Variants in CADM2 observed in about 807,000 individuals in gnomAD.
CADM2 encodes the protein immunoglobulin superfamily member 4D.
A neutral mutation model predicts 49.8 loss-of-function variants in CADM2; 12 were observed. The ratio of observed to expected loss-of-function variants is 0.24; its 90% CI spans 0.15 to 0.39. The LOEUF (loss-of-function observed/expected upper bound fraction) is 0.39. Among genes scored for constraint, CADM2 ranks in the 10% least tolerant of loss-of-function variants. CADM2 has a pLI of 1.00. For missense variants in CADM2, 378 were observed against 492.3 expected (o/e 0.77, Z 2.20); for synonymous variants, 214 against 175.4 (o/e 1.22, Z -1.74).
intron 1 of CADM2, among the ~76,000 whole-genome samples, chr3:85,282,761 A>G (rs2043536337): frequency 6.6e-6 from 1 of 152,134 alleles, no homozygotes; most frequent in African/African-American, 2.4e-5. Context: ...TTAAAACAAT[A>G]GAACTGTAAT....
At chr3:85,732,094 C>A (rs868184887) in intron 2 of CADM2, among the ~76,000 whole-genome samples, 37 of 90,736 alleles carry the variant, frequency 4.1e-4, no homozygotes, top group Admixed American at 7.7e-4. Flanking sequence ...CTAAGAATAC[C>A]AAAAAAAAAA....
intron 1 of CADM2, among the ~76,000 whole-genome samples, chr3:85,265,953 T>G (rs1485483481): frequency 6.6e-6 from 1 of 151,958 alleles, no homozygotes; most frequent in Admixed American, 6.6e-5. Context: ...ATTCACATGT[T>G]CGAAGGTAGC....
chr3:85,115,495 C>G (rs2038607624), intron 1 of CADM2, among the ~76,000 whole-genome samples: 1 of 152,148 alleles, frequency 6.6e-6, no homozygotes, highest in South Asian at 2.1e-4. Context: ...TCTTATTCTT[C>G]CCTTCTGGCA....
At chr3:85,072,987 T>A (rs930200161) in intron 1 of CADM2, among the ~76,000 whole-genome samples, 28 of 152,264 alleles carry the variant, frequency 1.8e-4, no homozygotes, top group Admixed American at 3.9e-4. Context: ...TTTCCCTAGG[T>A]TAAACATTTA....
At chr3:85,980,781 T>C (rs1274251008) in intron 8 of CADM2, among the ~76,000 whole-genome samples, 2 of 151,528 alleles carry the variant, frequency 1.3e-5, no homozygotes, top group African/African-American at 4.8e-5. Context: ...ACTAACACAA[T>C]ATCTGCTATA....
intron 1 of CADM2, among the ~76,000 whole-genome samples, chr3:85,651,310 A>C (rs2065036144): frequency 6.6e-6 from 1 of 152,172 alleles, no homozygotes; most frequent in Non-Finnish European, 1.5e-5. Flanking sequence ...AGGTCACTTA[A>C]CAAGAGCAAT....
intron 8 of CADM2, among the ~76,000 whole-genome samples, chr3:86,000,894 T>C (rs188670499): frequency 2.6e-4 from 39 of 152,174 alleles, no homozygotes; most frequent in Admixed American, 2.3e-3. Context: ...ATTGGTTTTT[T>C]AATAAAATAG....
At chr3:85,078,554 A>G (rs2107493640) in intron 1 of CADM2, among the ~76,000 whole-genome samples, 1 of 152,092 alleles carries the variant, frequency 6.6e-6, no homozygotes, top group Non-Finnish European at 1.5e-5. Flanking sequence ...TCATTGAAAT[A>G]AAGACATTCA....
rs1233557114 is a variant in CADM2 at position 85,153,072 on chromosome 3, G to A, written c.61+193404G>A. Among the ~76,000 whole-genome samples the A allele has an allele frequency of 4.6e-5, 7 of 152,120 alleles. No homozygotes were observed. In the East Asian group the frequency reaches 7.7e-4, roughly 17 times the overall value. ...ACCTGCATTTGAAAATTAACACTGC[G>A]GGGGAGGAGCCAAGATGGCCAAATA... On this transcript the variant is annotated intron_variant, in intron 1 of 9. Transcript: ENST00000383699.
At chr3:85,583,028 G>A (rs1356634614) in intron 1 of CADM2, among the ~76,000 whole-genome samples, 5 of 152,096 alleles carry the variant, frequency 3.3e-5, no homozygotes, top group Admixed American at 6.6e-5. Flanking sequence ...TTAGTACAGT[G>A]CCTGGTGTAT....
intron 1 of CADM2, among the ~76,000 whole-genome samples, chr3:85,339,702 A>C (rs369750486): frequency 6.6e-6 from 1 of 151,440 alleles, no homozygotes; most frequent in Admixed American, 6.6e-5. Context: ...TGCTACTAGG[A>C]AATTAACTGA....
chr3:85,819,753 T>C (rs2073438457), intron 3 of CADM2, among the ~76,000 whole-genome samples: 4 of 152,166 alleles, frequency 2.6e-5, no homozygotes, highest in African/African-American at 9.6e-5. Flanking sequence ...ATTCATTCAG[T>C]AACAATTATT....
chr3:85,336,991 T>TA (rs1455655640), intron 1 of CADM2, among the ~76,000 whole-genome samples: 17 of 69,796 alleles, frequency 2.4e-4, no homozygotes, highest in African/African-American at 6.0e-4. Flanking sequence ...TATATATATA[T>TA]TTAATATATA....
chr3:85,325,488 G>A (rs1380402671), intron 1 of CADM2, among the ~76,000 whole-genome samples: 6 of 152,148 alleles, frequency 3.9e-5, no homozygotes, highest in Admixed American at 6.5e-5. Flanking sequence ...GAGGCAGGCG[G>A]ATCATGAGGT....
intron 5 of CADM2, among the ~76,000 whole-genome samples, chr3:85,889,798 C>CA (rs1323360597): frequency 6.6e-6 from 1 of 151,914 alleles, no homozygotes; most frequent in African/African-American, 2.4e-5. Flanking sequence ...ACAAATAAAA[C>CA]AAAAATATTC....
intron 1 of CADM2, among the ~76,000 whole-genome samples, chr3:85,381,506 A>G (rs1196743101): frequency 1.4e-5 from 2 of 147,916 alleles, no homozygotes; most frequent in African/African-American, 4.9e-5. Flanking sequence ...AAGAATATAT[A>G]TATAAAGTAT....
intron 1 of CADM2, among the ~76,000 whole-genome samples, chr3:85,598,466 C>T (rs1413567102): frequency 6.6e-6 from 1 of 151,860 alleles, no homozygotes; most frequent in Non-Finnish European, 1.5e-5. Context: ...TTAATAGTGT[C>T]ATCCACTTGT....
intron 1 of CADM2, among the ~76,000 whole-genome samples, chr3:85,264,296 T>C (rs1164488174): frequency 1.3e-5 from 2 of 152,118 alleles, no homozygotes; most frequent in African/African-American, 2.4e-5. Context: ...TGTCGAAACA[T>C]GCTGATTATG....
chr3:85,185,827 T>C (rs2041047871), intron 1 of CADM2, among the ~76,000 whole-genome samples: 1 of 152,182 alleles, frequency 6.6e-6, no homozygotes, highest in Non-Finnish European at 1.5e-5. Context: ...CTCTTAAGGA[T>C]AGCAGCCCAC....
Sources: gnomAD v4.1 joint callset for allele counts (sites outside exome capture counted in the v4.1 genomes callset) on GRCh38, gnomAD v4.1.1 for gene constraint, MANE v1.5 for transcripts, NCBI Gene and HGNC (gene_info 2026-07-23, HGNC 2026-07-21) for gene names.